LAMC2: variants seen among roughly 807,000 people sequenced by gnomAD.
The protein encoded by LAMC2 is laminin subunit gamma-2.
LAMC2 carries 97 observed loss-of-function variants against 140.2 expected under a neutral mutation model. The observed-to-expected ratio is 0.69, with a 90% confidence interval of 0.59 to 0.82. The LOEUF is 0.82. LAMC2 is among the 40% of genes least tolerant of loss of function. The pLI is 0.00. For missense variants in LAMC2, 1,402 were observed against 1,476.1 expected, an observed-to-expected ratio of 0.95 and a Z score of 0.82; for synonymous variants, 513 against 540.2, an observed-to-expected ratio of 0.95 and a Z score of 0.70.
intron 1 of LAMC2, among the ~76,000 whole-genome samples, chr1:183,199,525 T>C (rs1478790292): frequency 6.6e-6 from 1 of 151,768 alleles, no homozygotes; most frequent in Non-Finnish European, 1.5e-5. Flanking sequence ...TCTCTCCTTC[T>C]ATCCATCATG....
At chr1:183,194,064 C>T (rs796769629) in intron 1 of LAMC2, among the ~76,000 whole-genome samples, 35 of 152,160 alleles carry the variant, frequency 2.3e-4, no homozygotes, top group African/African-American at 6.3e-4. Flanking sequence ...GGATTACAGG[C>T]GCATGCCACC....
intron 7 of LAMC2, among the ~76,000 whole-genome samples, chr1:183,223,893 T>G (rs1001288203): frequency 6.6e-6 from 1 of 152,088 alleles, no homozygotes; most frequent in Non-Finnish European, 1.5e-5. Flanking sequence ...TCCTGCAGAA[T>G]AGGGATTCTG....
rs1487731120 is a variant in LAMC2, at chr1:183,232,316, A to G, written c.1987A>G (p.Ile663Val). The G allele has an allele frequency of 1.9e-6, 3 of 1,613,992 alleles. No homozygotes were observed. The highest frequency in any genetic ancestry group is 2.7e-5 in the African/African-American group (2 of 74,922). ...GCAGGCTGAGCAGGCCCTTCAGGAC[A>G]TTCTGAGAGATGCCCAGATTTCAGA... ...MQQAEQALQD[I>V]LRDAQISEGA... Residue 663 changes from isoleucine (I) to valine (V), a missense_variant, in exon 13 of 23, where the codon ATT becomes GTT. Ile to Val is a conservative substitution (Grantham distance 29). This residue lies in a region of LAMC2 where 670 missense variants were observed against 667.2 expected (regional missense o/e 1.00). Coordinates refer to ENST00000264144, the MANE Select transcript of LAMC2 (RefSeq NM_005562.3).
Position 183,223,314 on chromosome 1 carries a change from T to A in LAMC2, c.943T>A (p.Tyr315Asn). The A allele has an allele frequency of 6.2e-7, 1 of 1,614,164 alleles. No individual in the cohort carries two copies. Among genetic ancestry groups the A allele is most frequent in the Non-Finnish European group, 8.5e-7 (1 of 1,180,014 alleles). The change falls in exon 7 of 23, where the codon TAC (tyrosine) becomes AAC (asparagine). Residue 315 changes from tyrosine (Y) to asparagine (N), a missense_variant. Coordinates refer to ENST00000264144, the MANE Select transcript of LAMC2 (RefSeq NM_005562.3). ...ACTGCCTTGTGGGCTCACCAAGACT[T>A]ACACATTCAGGTAAAAAGAGAGACC... Reference protein sequence around the residue: ...KTLPCGLTKTYTFRLNEHPSN... With the variant: ...KTLPCGLTKTNTFRLNEHPSN...
Position 183,236,453 on chromosome 1 carries a change from A to G in LAMC2, c.2457-7A>G, listed in dbSNP as rs1659966029. The G allele has an allele frequency of 6.2e-7, 1 of 1,612,590 alleles. No homozygotes were observed. Among genetic ancestry groups the G allele is most frequent in the East Asian group, 2.2e-5 (1 of 44,804 alleles). ...TATTACCGCCCCCTCCCCACCCCCA[A>G]CACCAGATTGGAGAAAACCAAGTCC... is the stretch of plus-strand genomic sequence containing the variant. On this transcript the variant is annotated splice_region_variant and splice_polypyrimidine_tract_variant and intron_variant, in intron 16 of 22. Coordinates refer to ENST00000264144, the MANE Select transcript of LAMC2 (RefSeq NM_005562.3).
In LAMC2 at chr1:183,239,478, G is replaced by A. The variant is rs140325215; in HGVS notation, c.2984G>A (p.Arg995Lys). ...DASDKTQQAE[R>K]ALGSAAADAQ... is the part of the protein sequence containing the mutation. ...AGTGACAAGACCCAGCAAGCAGAAA[G>A]AGCCCTGGGGAGCGCTGCTGCTGAT... Residue 995 changes from arginine to lysine, a missense_variant, in exon 20 of 23, where the codon AGA (arginine) becomes AAA (lysine). This residue lies in a region of LAMC2 where 670 missense variants were observed against 667.2 expected (regional missense o/e 1.00). Transcript: ENST00000264144. The A allele has an allele frequency of 6.2e-7, 1 of 1,614,002 alleles. No homozygotes were observed. Among genetic ancestry groups the A allele is most frequent in the East Asian group, 2.2e-5 (1 of 44,878 alleles).
downstream of LAMC2, among the ~76,000 whole-genome samples, chr1:183,246,039 G>A (rs189415130): frequency 3.7e-4 from 57 of 152,170 alleles, no homozygotes; most frequent in African/African-American, 1.3e-3. Flanking sequence ...GCGTGATGGC[G>A]GGCGCTTGTA....
At chr1:183,252,493 C>T in the LAMC2 span, 3 of 510,726 alleles carry the variant, frequency 5.9e-6, no homozygotes. Context: ...TGCCATGGTT[C>T]TCTGCAGGTC....
rs777618097 is a variant in LAMC2, at chr1:183,239,528, G to C, written c.3034G>C (p.Gly1012Arg). Reference sequence around the variant, plus strand: ...TGCACAGAGGGCAAAGAATGGGGCCGGGGAGGCCCTGGAAATCTCCAGTGA... The same window carrying C: ...TGCACAGAGGGCAAAGAATGGGGCCCGGGAGGCCCTGGAAATCTCCAGTGA... Reference protein sequence around the residue: ...ADAQRAKNGAGEALEISSEIE... With the variant: ...ADAQRAKNGAREALEISSEIE... The change falls in exon 20 of 23, where the codon GGG becomes CGG. Residue 1012 changes from glycine to arginine, a missense_variant. This residue lies in a region of LAMC2 where 670 missense variants were observed against 667.2 expected (regional missense o/e 1.00). Coordinates refer to ENST00000264144, the MANE Select transcript of LAMC2 (RefSeq NM_005562.3). The C allele has an allele frequency of 6.2e-7, 1 of 1,613,606 alleles. No individual in the cohort carries two copies. The highest frequency in any genetic ancestry group is 1.1e-5 in the South Asian group (1 of 90,968).
intron 16 of LAMC2, among the ~76,000 whole-genome samples, chr1:183,236,240 G>C (rs985785702): frequency 6.6e-6 from 1 of 151,728 alleles, no homozygotes; most frequent in Non-Finnish European, 1.5e-5. Flanking sequence ...AAAAAAAGGG[G>C]GGGCCAGGTG....
At chr1:183,205,503 C>G (rs1658855133) in intron 1 of LAMC2, among the ~76,000 whole-genome samples, 1 of 152,178 alleles carries the variant, frequency 6.6e-6, no homozygotes, top group African/African-American at 2.4e-5. Flanking sequence ...AGTCCTGTTA[C>G]AAGCCAAGCT....
chr1:183,230,857 G>A, intron 11 of LAMC2, 104 bp from the exon 12 acceptor site: 1 of 1,322,390 alleles, frequency 7.6e-7, no homozygotes, highest in Admixed American at 1.7e-5. Context: ...GGTATAAAAG[G>A]ATTCTCTGCT....
downstream of LAMC2, among the ~76,000 whole-genome samples, chr1:183,247,446 T>C (rs955929597): frequency 1.3e-5 from 2 of 151,638 alleles, no homozygotes; most frequent in Non-Finnish European, 2.9e-5. Context: ...GAGTGATCAA[T>C]TTACAAGCAT....
intron 22 of LAMC2, chr1:183,240,700 G>A: frequency 7.7e-7 from 1 of 1,290,952 alleles, no homozygotes; most frequent in Non-Finnish European, 9.9e-7. Context: ...CTGCTAAAGA[G>A]TCTGGCCTGG....
At chr1:183,209,518 T>C (rs1033143973) in intron 2 of LAMC2, among the ~76,000 whole-genome samples, 1 of 152,198 alleles carries the variant, frequency 6.6e-6, no homozygotes, top group Non-Finnish European at 1.5e-5. Flanking sequence ...TGTGTGGAAT[T>C]TGCATCCAGA....
chr1:183,236,414 CA>C, intron 16 of LAMC2, 45 bp from the exon 17 acceptor site: 1 of 1,413,246 alleles, frequency 7.1e-7, no homozygotes, highest in Non-Finnish European at 9.8e-7. Flanking sequence ...AAAGAATTCT[CA>C]AAGTCCTCTT....
At chr1:183,236,030 A>T (rs140238767) in intron 16 of LAMC2, among the ~76,000 whole-genome samples, 1 of 152,146 alleles carries the variant, frequency 6.6e-6, no homozygotes, top group African/African-American at 2.4e-5. Flanking sequence ...GCATGGGGAG[A>T]TATAAAAATA....
intron 10 of LAMC2, 77 bp downstream of exon 10, chr1:183,227,774 C>T (rs965726200): frequency 5.6e-5 from 74 of 1,331,880 alleles, no homozygotes; most frequent in Non-Finnish European, 6.9e-5. Flanking sequence ...GCTTCCATTC[C>T]GAGGAATTCC....
chr1:183,230,737 G>A lies in LAMC2; in HGVS notation c.1715-224G>A, dbSNP rs562554374. On this transcript the variant is annotated intron_variant, in intron 11 of 22. Coordinates refer to ENST00000264144, the MANE Select transcript of LAMC2 (RefSeq NM_005562.3). ...CTAATAGGCTTTTAGTTTAACAGGG[G>A]GAGGAAAATGAGTGCTGCCAGAAAG... is the stretch of plus-strand genomic sequence containing the variant. 2.0e-5 allele frequency among the ~76,000 whole-genome samples: 3 copies of A among 152,302 alleles called. No homozygotes were observed. In the South Asian group the frequency reaches 6.2e-4, roughly 32 times the overall value.
Sources: allele counts gnomAD v4.1 joint callset (sites outside exome capture counted in the v4.1 genomes callset), GRCh38; gene constraint gnomAD v4.1.1; regional missense constraint gnomAD v4.1.1; transcripts MANE v1.5; gene names NCBI Gene and HGNC (gene_info 2026-07-23, HGNC 2026-07-21).